EZR: variants seen among roughly 807,000 people sequenced by gnomAD.
The protein encoded by EZR is cytovillin 2.
EZR carries 40 observed loss-of-function variants against 74.8 expected under a neutral mutation model. That is an observed-to-expected ratio of 0.53 (90% CI 0.42 to 0.70). EZR has a LOEUF of 0.70. EZR is among the 30% of genes least tolerant of loss of function. The pLI is 0.00. For synonymous variants in EZR, 341 were observed against 283.3 expected, an observed-to-expected ratio of 1.20 and a Z score of -2.05; for missense variants, 678 against 755.8, an observed-to-expected ratio of 0.90 and a Z score of 1.21.
intron 7 of EZR, among the ~76,000 whole-genome samples, chr6:158,781,794 C>T (rs986435757): frequency 3.3e-5 from 5 of 151,952 alleles, no homozygotes; most frequent in African/African-American, 4.8e-5. Flanking sequence ...GACACGGTCT[C>T]GCTCTGTCAC....
At chr6:158,800,195 C>T (rs1457925906) in intron 2 of EZR, among the ~76,000 whole-genome samples, 2 of 152,158 alleles carry the variant, frequency 1.3e-5, no homozygotes, top group Non-Finnish European at 2.9e-5. Flanking sequence ...AGTAAAATAG[C>T]AAGGTGGTCC....
intron 8 of EZR, among the ~76,000 whole-genome samples, chr6:158,774,456 C>T (rs1425869022): frequency 2.5e-4 from 38 of 152,038 alleles, no homozygotes; most frequent in African/African-American, 2.4e-5. Context: ...TGTAGGCTCA[C>T]CAGGGTAGGA....
rs750479920 is a variant in EZR at position 158,794,821 on chromosome 6, G to A, written c.13-5450C>T. The stretch of plus-strand genomic sequence containing the variant: ...TAAAAGTTATGCTTAGCTTGGGGGT[G>A]TTGGTGGTGATTTAAGTTTAACTTT... On this transcript the variant is annotated intron_variant, in intron 2 of 13. Coordinates refer to ENST00000367075, the MANE Select transcript of EZR (RefSeq NM_001111077.2). Among the ~76,000 whole-genome samples, 189 of 152,314 alleles carry A rather than the reference G, an allele frequency of 1.2e-3. 1 individual carries two copies. The highest frequency in any genetic ancestry group is 1.9e-3 in the Non-Finnish European group (127 of 68,030).
At chr6:158,799,906 C>T (rs1278642436) in intron 2 of EZR, among the ~76,000 whole-genome samples, 1 of 152,128 alleles carries the variant, frequency 6.6e-6, no homozygotes, top group Non-Finnish European at 1.5e-5. Flanking sequence ...TTATATGAAG[C>T]GAACATCTTT....
At chr6:158,789,042 C>T (rs1264838305) in intron 3 of EZR, among the ~76,000 whole-genome samples, 1 of 152,242 alleles carries the variant, frequency 6.6e-6, no homozygotes, top group Non-Finnish European at 1.5e-5. Context: ...CACACTGAAT[C>T]CGCCTGACTT....
At chr6:158,782,039 G>A (rs1378587463) in intron 7 of EZR, among the ~76,000 whole-genome samples, 3 of 152,180 alleles carry the variant, frequency 2.0e-5, no homozygotes, top group Non-Finnish European at 4.4e-5. Context: ...GATTCCAGGT[G>A]TGAGCCGCTG....
intron 8 of EZR, among the ~76,000 whole-genome samples, chr6:158,772,788 G>A (rs760239168): frequency 2.6e-5 from 4 of 152,198 alleles, no homozygotes; most frequent in Non-Finnish European, 5.9e-5. Flanking sequence ...GAGGGACAGG[G>A]TGGCTAAAAC....
At chr6:158,768,091 TCCC>T (rs1300198408) in intron 12 of EZR, among the ~76,000 whole-genome samples, 1 of 151,786 alleles carries the variant, frequency 6.6e-6, no homozygotes, top group East Asian at 2.0e-4. Flanking sequence ...CCACCTGTAA[TCCC>T]CCCATGCTGG....
chr6:158,796,607 AT>A (rs1332340495), intron 2 of EZR, among the ~76,000 whole-genome samples: 1 of 151,724 alleles, frequency 6.6e-6, no homozygotes, highest in Non-Finnish European at 1.5e-5. Flanking sequence ...CTTTGAAATT[AT>A]TTGGCTTTGA....
At chr6:158,787,417 A>T (rs1791612348) in intron 3 of EZR, among the ~76,000 whole-genome samples, 1 of 152,216 alleles carries the variant, frequency 6.6e-6, no homozygotes, top group South Asian at 2.1e-4. Flanking sequence ...TATTTTTAAT[A>T]TAAATTTGAG....
intron 7 of EZR, among the ~76,000 whole-genome samples, chr6:158,782,542 C>A (rs538282742): frequency 5.9e-5 from 9 of 152,186 alleles, no homozygotes; most frequent in African/African-American, 2.2e-4. Flanking sequence ...CTGCTCTTTA[C>A]GTGGAAAGCA....
At chr6:158,774,672 A>ACACACACACACACAC (rs1791216343) in intron 8 of EZR, among the ~76,000 whole-genome samples, 1 of 142,396 alleles carries the variant, frequency 7.0e-6, no homozygotes, top group Non-Finnish European at 1.5e-5. Context: ...CTTATCATCA[A>ACACACACACACACAC]ACACACACAC....
chr6:158,813,558 G>A (rs1017885776), intron 2 of EZR, among the ~76,000 whole-genome samples: 1 of 152,222 alleles, frequency 6.6e-6, no homozygotes, highest in African/African-American at 2.4e-5. Context: ...GAGGAGGAGG[G>A]GTGGAAACAG....
chr6:158,770,228 C>A (rs1045722983), intron 10 of EZR, among the ~76,000 whole-genome samples: 1 of 152,242 alleles, frequency 6.6e-6, no homozygotes, highest in African/African-American at 2.4e-5. Context: ...GGTCAGCCGC[C>A]CGCTGTGCTG....
chr6:158,784,736 C>A lies in EZR; in HGVS notation c.468-9G>T, dbSNP rs1191743694. On this transcript the variant is annotated splice_polypyrimidine_tract_variant and intron_variant, in intron 5 of 13. Transcript: ENST00000367075. Reference sequence around the variant, plus strand: ...TGTGCTGGTCCATCACTCTGGAATGCAAAAGGAAACAGCACTGTCATCCTT... The same window carrying A: ...TGTGCTGGTCCATCACTCTGGAATGAAAAAGGAAACAGCACTGTCATCCTT... 2 of 1,613,072 alleles carry A rather than the reference C, an allele frequency of 1.2e-6. No individual in the cohort carries two copies. Among genetic ancestry groups the A allele is most frequent in the African/African-American group, 2.7e-5 (2 of 74,890 alleles).
At chr6:158,785,667 A>G in intron 4 of EZR, 84 bp from the exon 5 acceptor site, 1 of 1,517,534 alleles carries the variant, frequency 6.6e-7, no homozygotes, top group Non-Finnish European at 9.0e-7. Context: ...ACCAAGACTC[A>G]ATGGGGCCCT....
chr6:158,801,760 C>T (rs1441509539), intron 2 of EZR, among the ~76,000 whole-genome samples: 1 of 152,200 alleles, frequency 6.6e-6, no homozygotes, highest in Non-Finnish European at 1.5e-5. Flanking sequence ...AAAGTGCTAG[C>T]TCCTCATCCT....
chr6:158,814,846 C>G (rs879914286), intron 2 of EZR, among the ~76,000 whole-genome samples: 1 of 152,146 alleles, frequency 6.6e-6, no homozygotes, highest in African/African-American at 2.4e-5. Context: ...CCGCCTCAGT[C>G]TTTTAAGTAA....
At chr6:158,805,546 C>T (rs1221280914) in intron 2 of EZR, among the ~76,000 whole-genome samples, 1 of 152,068 alleles carries the variant, frequency 6.6e-6, no homozygotes, top group East Asian at 1.9e-4. Flanking sequence ...GAACTCACCC[C>T]AGTCTTTACT....
Sources: allele counts gnomAD v4.1 joint callset (sites outside exome capture counted in the v4.1 genomes callset), GRCh38; gene constraint gnomAD v4.1.1; transcripts MANE v1.5; gene names NCBI Gene and HGNC (gene_info 2026-07-23, HGNC 2026-07-21).